The following CHST9 variants were observed in gnomAD, a reference collection of about 807,000 sequenced individuals.
CHST9 encodes carbohydrate sulfotransferase 9, also known as GalNAc-4-sulfotransferase 2.
CHST9 carries 41 observed loss-of-function variants against 44.4 expected under a neutral mutation model. That is an observed-to-expected ratio of 0.92 (90% confidence interval 0.72 to 1.20). The LOEUF (loss-of-function observed/expected upper bound fraction) is 1.20. Among genes scored for constraint, CHST9 ranks in the 50% most tolerant of loss-of-function variants. CHST9 has a pLI of 0.00. For synonymous variants in CHST9, 171 were observed against 178.4 expected (o/e 0.96, Z 0.33); for missense variants, 504 against 516.5 (o/e 0.98, Z 0.23).
chr18:27,055,295 T>C (rs968897527), intron 2 of CHST9, among the ~76,000 whole-genome samples: 2 of 152,196 alleles, frequency 1.3e-5, no homozygotes, highest in Admixed American at 6.5e-5. Flanking sequence ...AATTTTTTAA[T>C]ATCGTTTTTG....
chr18:27,064,017 C>T (rs1264657855), intron 2 of CHST9, among the ~76,000 whole-genome samples: 1 of 152,010 alleles, frequency 6.6e-6, no homozygotes, highest in East Asian at 1.9e-4. Context: ...TAACAGGTAT[C>T]CTCCAGAATC....
At chr18:26,975,509 A>C (rs1371668535) in intron 4 of CHST9, among the ~76,000 whole-genome samples, 1 of 151,874 alleles carries the variant, frequency 6.6e-6, no homozygotes, top group Non-Finnish European at 1.5e-5. Flanking sequence ...GCTCCCACTT[A>C]TAAGTGAGAA....
chr18:27,169,468 T>C (rs909376617), intron 1 of CHST9, among the ~76,000 whole-genome samples: 1 of 152,162 alleles, frequency 6.6e-6, no homozygotes. Flanking sequence ...ATGTACTTCT[T>C]TCAGTATTTG....
intron 4 of CHST9, among the ~76,000 whole-genome samples, chr18:26,998,540 A>G (rs1180892521): frequency 6.6e-6 from 1 of 152,092 alleles, no homozygotes; most frequent in Non-Finnish European, 1.5e-5. Context: ...AGCCTGGCCA[A>G]CATGGCGAAA....
chr18:27,170,993 A>T (rs922409573), intron 1 of CHST9, among the ~76,000 whole-genome samples: 1 of 152,202 alleles, frequency 6.6e-6, no homozygotes, highest in Non-Finnish European at 1.5e-5. Flanking sequence ...ACACTCTCCT[A>T]CCGTTTTTAT....
chr18:26,927,413 A>G (rs1452972313), intron 5 of CHST9, among the ~76,000 whole-genome samples: 4 of 152,096 alleles, frequency 2.6e-5, no homozygotes, highest in Non-Finnish European at 5.9e-5. Context: ...CGCGCTCAGC[A>G]TATGGTCTCT....
At chr18:27,023,149 T>C (rs2057245238) in intron 4 of CHST9, among the ~76,000 whole-genome samples, 1 of 152,226 alleles carries the variant, frequency 6.6e-6, no homozygotes, top group Non-Finnish European at 1.5e-5. Flanking sequence ...AAAACAAATG[T>C]TACCTGCCAT....
chr18:27,129,129 ACACAC>A (rs1202256432), intron 2 of CHST9, among the ~76,000 whole-genome samples: 22 of 151,648 alleles, frequency 1.5e-4, no homozygotes, highest in African/African-American at 5.1e-4. Flanking sequence ...ATTAGCACAC[ACACAC>A]AAAATGTACT....
intron 5 of CHST9, among the ~76,000 whole-genome samples, chr18:26,941,859 G>A (rs908213520): frequency 2.6e-5 from 4 of 152,176 alleles, no homozygotes; most frequent in Non-Finnish European, 4.4e-5. Flanking sequence ...TAAAATAGCC[G>A]TGGGCTAAAA....
intron 1 of CHST9, among the ~76,000 whole-genome samples, chr18:27,184,570 C>T (rs949520967): frequency 2.0e-5 from 3 of 152,078 alleles, no homozygotes; most frequent in African/African-American, 7.2e-5. Context: ...GTCCCCCTAA[C>T]TTCCCTCCCA....
intron 1 of CHST9, among the ~76,000 whole-genome samples, chr18:27,149,507 T>A (rs1327017874): frequency 5.3e-5 from 8 of 152,162 alleles, no homozygotes; most frequent in Non-Finnish European, 8.8e-5. Flanking sequence ...TGAACAAACA[T>A]GTGCATGTGT....
intron 1 of CHST9, among the ~76,000 whole-genome samples, chr18:27,175,968 T>C (rs1232616180): frequency 6.6e-6 from 1 of 152,038 alleles, no homozygotes; most frequent in Non-Finnish European, 1.5e-5. Context: ...GATGGTTCAT[T>C]TGAGGAAGTG....
intron 3 of CHST9, among the ~76,000 whole-genome samples, chr18:27,027,177 A>G (rs775710104): frequency 7.9e-5 from 12 of 152,216 alleles, no homozygotes; most frequent in Non-Finnish European, 1.5e-4. Flanking sequence ...TGGCCATGTG[A>G]TAAATTAATT....
intron 1 of CHST9, among the ~76,000 whole-genome samples, chr18:27,169,326 GATTACAAA>G (rs888930051): frequency 2.0e-5 from 3 of 152,132 alleles, no homozygotes; most frequent in African/African-American, 7.2e-5. Flanking sequence ...ACTACACTTT[GATTACAAA>G]ATTAAATTTA....
chr18:26,912,087 G>C lies in CHST9; in HGVS notation c.*4172C>G, dbSNP rs962602097. Reference sequence around the variant, plus strand: ...AGTGGCTGTCAGGGGCCTATGTGTGGAAAGTTCGCCTGAACTTTCTTCCTC... The same window carrying C: ...AGTGGCTGTCAGGGGCCTATGTGTGCAAAGTTCGCCTGAACTTTCTTCCTC... On this transcript the variant is annotated 3_prime_UTR_variant, in exon 6 of 6. Coordinates refer to ENST00000618847, the MANE Select transcript of CHST9 (RefSeq NM_031422.6). The C allele has an allele frequency of 6.6e-6, 1 of 152,086 alleles. No homozygotes were observed. The highest frequency in any genetic ancestry group is 1.5e-5 in the Non-Finnish European group (1 of 68,018). The allele number at this position is 152,086 out of a possible 1,614,324, so 9.4% of individuals were successfully genotyped here. A position where few individuals can be genotyped will look rare whatever the true frequency, so the allele number is the denominator to read the frequency against.
chr18:26,968,159 C>T (rs2056491236), intron 4 of CHST9, among the ~76,000 whole-genome samples: 3 of 152,152 alleles, frequency 2.0e-5, no homozygotes, highest in Admixed American at 2.0e-4. Context: ...AATAAACTTT[C>T]CTTCGTATAT....
chr18:26,927,318 G>A (rs1486144149), intron 5 of CHST9, among the ~76,000 whole-genome samples: 14 of 152,028 alleles, frequency 9.2e-5, no homozygotes, highest in East Asian at 3.9e-4. Flanking sequence ...GGCGTTTCTC[G>A]TCGGGGGGCG....
chr18:27,110,142 C>CTT lies in CHST9; in HGVS notation c.121+32545_121+32546dup, dbSNP rs71171618. Among the ~76,000 whole-genome samples, 853 of 143,584 alleles carry CTT rather than the reference C, an allele frequency of 5.9e-3. 10 individuals carry two copies. Among genetic ancestry groups the CTT allele is most frequent in the East Asian group, 0.024 (119 of 4,892 alleles). The allele number at this position is 143,584 out of a possible 152,430, so 94.2% of individuals were successfully genotyped here. A position where few individuals can be genotyped will look rare whatever the true frequency, so the allele number is the denominator to read the frequency against. On this transcript the variant is annotated intron_variant, in intron 2 of 5. Transcript: ENST00000618847. The stretch of plus-strand genomic sequence containing the variant: ...CTCACCAGAGTGTTTTTAGCCCAGT[C>CTT]TTTTTTTTTTTTTGGATTATTCCTG...
intron 1 of CHST9, among the ~76,000 whole-genome samples, chr18:27,177,482 G>A (rs16943364): frequency 0.28 from 42,341 of 151,364 alleles, 6,171 homozygotes; most frequent in East Asian, 0.48. Flanking sequence ...AGAAATGACC[G>A]CAAAACTAAG....
Sources: allele counts gnomAD v4.1 joint callset (sites outside exome capture counted in the v4.1 genomes callset), GRCh38; gene constraint gnomAD v4.1.1; transcripts MANE v1.5; gene names NCBI Gene and HGNC (gene_info 2026-07-23, HGNC 2026-07-21).